Variants in TGFBR1 observed in about 807,000 individuals in gnomAD.
The protein encoded by TGFBR1 is transforming growth factor beta receptor 1, also known as TGF-beta receptor type-1.
In TGFBR1, 20 loss-of-function variants were observed where a neutral mutation model predicts 55.1. The observed-to-expected ratio is 0.36, with a 90% confidence interval of 0.26 to 0.53. The LOEUF is 0.53. TGFBR1 is among the 20% of genes least tolerant of loss of function. The pLI, the probability that TGFBR1 is intolerant of heterozygous loss-of-function variation, is 0.91. For missense variants in TGFBR1, 385 were observed against 617.6 expected, an observed-to-expected ratio of 0.62 and a Z score of 3.99; for synonymous variants, 220 against 214.8, an observed-to-expected ratio of 1.02 and a Z score of -0.21.
At chr9:99,142,320 TATCTC>T (rs1827639439) in intron 4 of TGFBR1, among the ~76,000 whole-genome samples, 2 of 152,204 alleles carry the variant, frequency 1.3e-5, no homozygotes, top group Non-Finnish European at 2.9e-5. Flanking sequence ...ATACTTGCCT[TATCTC>T]AAGAAGAGGG....
At chr9:99,142,316 G>C (rs1398242603) in intron 4 of TGFBR1, among the ~76,000 whole-genome samples, 1 of 152,144 alleles carries the variant, frequency 6.6e-6, no homozygotes, top group Non-Finnish European at 1.5e-5. Context: ...AATTATACTT[G>C]CCTTATCTCA....
chr9:99,111,806 T>A (rs1026126802), intron 1 of TGFBR1, among the ~76,000 whole-genome samples: 2 of 152,182 alleles, frequency 1.3e-5, no homozygotes, highest in Non-Finnish European at 1.5e-5. Context: ...TTAGTAGTGA[T>A]CAACATGATG....
chr9:99,111,668 C>CT (rs565935239), intron 1 of TGFBR1, among the ~76,000 whole-genome samples: 4 of 152,192 alleles, frequency 2.6e-5, no homozygotes, highest in African/African-American at 9.6e-5. Flanking sequence ...ACAAACCATT[C>CT]TTTAATCATT....
intron 1 of TGFBR1, among the ~76,000 whole-genome samples, chr9:99,114,636 A>G (rs931256338): frequency 3.3e-5 from 5 of 152,238 alleles, no homozygotes; most frequent in East Asian, 1.9e-4. Flanking sequence ...CCTAATGCCA[A>G]TGGAACAGCT....
rs1042957415 is a variant in TGFBR1, at chr9:99,153,439, T to G, written c.*4134T>G. The G allele has an allele frequency of 9.5e-6, 2 of 209,854 alleles. No homozygotes were observed. The highest frequency in any genetic ancestry group is 4.5e-5 in the African/African-American group (2 of 44,064). 13.0% of individuals were successfully genotyped at this position (209,854 alleles called of 1,614,324 possible). On this transcript the variant is annotated 3_prime_UTR_variant, in exon 9 of 9. Coordinates refer to ENST00000374994, the MANE Select transcript of TGFBR1 (RefSeq NM_004612.4). ...ATGTACAGAAAATGTCCATATAAAT[T>G]TCCATTGAAGTCGAATGATACTGAG... is the stretch of plus-strand genomic sequence containing the variant.
chr9:99,120,326 G>C (rs912252185), intron 1 of TGFBR1, among the ~76,000 whole-genome samples: 1 of 152,152 alleles, frequency 6.6e-6, no homozygotes, highest in Non-Finnish European at 1.5e-5. Flanking sequence ...AGCATACTTA[G>C]ATTGAGAGGA....
At chr9:99,105,802 C>T (rs1258161731) in intron 1 of TGFBR1, among the ~76,000 whole-genome samples, 3 of 152,056 alleles carry the variant, frequency 2.0e-5, no homozygotes, top group African/African-American at 4.8e-5. Flanking sequence ...GAAGGCGGCT[C>T]CCGGGCGGGG....
At chr9:99,144,611 G>C in intron 5 of TGFBR1, 121 bp from the exon 6 acceptor site, 1 of 1,079,460 alleles carries the variant, frequency 9.3e-7, no homozygotes, top group Non-Finnish European at 1.4e-6. Context: ...AAGTATTGTA[G>C]GTCATGTGGG....
chr9:99,119,494 A>T (rs1201036295), intron 1 of TGFBR1, among the ~76,000 whole-genome samples: 1 of 152,194 alleles, frequency 6.6e-6, no homozygotes, highest in Non-Finnish European at 1.5e-5. Flanking sequence ...TAGATTATCA[A>T]GTAATCCTTT....
At chr9:99,142,156 C>CT (rs944600713) in intron 4 of TGFBR1, among the ~76,000 whole-genome samples, 3 of 151,970 alleles carry the variant, frequency 2.0e-5, no homozygotes, top group Admixed American at 1.3e-4. Context: ...CTGTTCCTTC[C>CT]TTTTTTTTAA....
Position 99,105,137 on chromosome 9 carries a change from C to A in TGFBR1, c.-69C>A, listed in dbSNP as rs986586601. The stretch of plus-strand genomic sequence containing the variant: ...CGGCGGCTAGGGAGGTGGGGCGAGG[C>A]GAGGTTTGCTGGGGTGAGGCAGCGG... On this transcript the variant is annotated 5_prime_UTR_variant, in exon 1 of 9. Coordinates refer to ENST00000374994, the MANE Select transcript of TGFBR1 (RefSeq NM_004612.4). 71 of 1,063,456 alleles carry A rather than the reference C, an allele frequency of 6.7e-5. No homozygotes were observed. Among genetic ancestry groups the A allele is most frequent in the Non-Finnish European group, 7.3e-5 (64 of 876,538 alleles). 65.9% of individuals were successfully genotyped at this position (1,063,456 alleles called of 1,614,324 possible).
At chr9:99,115,890 A>T (rs1245159854) in intron 1 of TGFBR1, among the ~76,000 whole-genome samples, 1 of 152,174 alleles carries the variant, frequency 6.6e-6, no homozygotes, top group African/African-American at 2.4e-5. Context: ...TGGGAAAAAA[A>T]TTACAAATCA....
At chr9:99,104,884 T>A (rs1826352801), upstream of TGFBR1, among the ~76,000 whole-genome samples, 1 of 151,536 alleles carries the variant, frequency 6.6e-6, no homozygotes, top group East Asian at 2.0e-4. Flanking sequence ...CGGGAGCCGA[T>A]CGGGCCGGGG....
intron 3 of TGFBR1, among the ~76,000 whole-genome samples, chr9:99,136,476 T>G (rs10760674): frequency 0.24 from 36,379 of 152,098 alleles, 4,648 homozygotes; most frequent in East Asian, 0.42. Context: ...CTACAAGGCT[T>G]TCATAAAATG....
At chr9:99,127,190 C>T (rs1827066673) in intron 1 of TGFBR1, among the ~76,000 whole-genome samples, 1 of 152,178 alleles carries the variant, frequency 6.6e-6, no homozygotes, top group South Asian at 2.1e-4. Flanking sequence ...ACACAGGTTT[C>T]CAGGTGTCCC....
At chr9:99,141,519 G>A (rs528357579) in intron 4 of TGFBR1, among the ~76,000 whole-genome samples, 2 of 152,090 alleles carry the variant, frequency 1.3e-5, no homozygotes, top group Non-Finnish European at 2.9e-5. Context: ...CTAGCATTCC[G>A]TTTTTTAAAT....
intron 4 of TGFBR1, among the ~76,000 whole-genome samples, chr9:99,140,394 C>T (rs974817380): frequency 6.6e-6 from 1 of 151,950 alleles, no homozygotes; most frequent in Admixed American, 6.6e-5. Flanking sequence ...GTGGAGGTTG[C>T]AGTCAGAGCT....
At chr9:99,107,428 CTA>C (rs10569919) in intron 1 of TGFBR1, among the ~76,000 whole-genome samples, 2,151 of 152,326 alleles carry the variant, frequency 0.014, 50 homozygotes, top group African/African-American at 0.049. Context: ...TTTAGTACCA[CTA>C]TGTCTATATG....
chr9:99,134,819 TA>T (rs1564157250), intron 3 of TGFBR1, among the ~76,000 whole-genome samples: 1 of 89,322 alleles, frequency 1.1e-5, no homozygotes, highest in Non-Finnish European at 2.5e-5. Context: ...TATATATATA[TA>T]TATATATATA....
Sources: gnomAD v4.1 joint callset for allele counts (sites outside exome capture counted in the v4.1 genomes callset) on GRCh38, gnomAD v4.1.1 for gene constraint, MANE v1.5 for transcripts, NCBI Gene and HGNC (gene_info 2026-07-23, HGNC 2026-07-21) for gene names.